Variants in AGBL4 observed in about 807,000 individuals in gnomAD.
AGBL4 encodes the protein AGBL carboxypeptidase 4, also known as cytosolic carboxypeptidase 6.
AGBL4 carries 58 observed loss-of-function variants against 66.4 expected under a neutral mutation model. The observed-to-expected ratio is 0.87, with a 90% CI of 0.71 to 1.09. The LOEUF is 1.09. AGBL4 is among the 50% of genes least tolerant of loss of function. AGBL4 has a pLI of 0.00. For missense variants in AGBL4, 579 were observed against 631.0 expected (o/e 0.92, Z 0.88); for synonymous variants, 234 against 222.9 (o/e 1.05, Z -0.44).
At chr1:49,372,323 G>T (rs1436197517) in intron 3 of AGBL4, among the ~76,000 whole-genome samples, 1 of 151,988 alleles carries the variant, frequency 6.6e-6, no homozygotes, top group Non-Finnish European at 1.5e-5. Flanking sequence ...TCCTATTCTG[G>T]GGCTTATTTT....
chr1:48,556,052 G>T (rs1644316561), intron 11 of AGBL4, among the ~76,000 whole-genome samples: 1 of 152,052 alleles, frequency 6.6e-6, no homozygotes. Context: ...ATTTTATTTT[G>T]CTATACCGAT....
chr1:49,347,948 C>A (rs981631461), intron 3 of AGBL4, among the ~76,000 whole-genome samples: 3 of 152,148 alleles, frequency 2.0e-5, no homozygotes, highest in Non-Finnish European at 4.4e-5. Context: ...GATCCGGGAA[C>A]CCTCTCTTGG....
chr1:48,794,006 C>G (rs796948779), intron 6 of AGBL4, among the ~76,000 whole-genome samples: 5 of 152,224 alleles, frequency 3.3e-5, no homozygotes, highest in African/African-American at 1.2e-4. Context: ...AGGGGCCAAT[C>G]CAGCCACATA....
At chr1:49,239,887 T>C (rs1405188231) in intron 4 of AGBL4, among the ~76,000 whole-genome samples, 1 of 151,990 alleles carries the variant, frequency 6.6e-6, no homozygotes, top group Non-Finnish European at 1.5e-5. Context: ...AAGTGCAATG[T>C]AAAAAATAAG....
chr1:48,646,737 AAGAGGTTAAAACTGGAGC>A (rs1401139287), intron 8 of AGBL4, among the ~76,000 whole-genome samples: 1 of 152,128 alleles, frequency 6.6e-6, no homozygotes, highest in African/African-American at 2.4e-5. Context: ...ACAGTGTATC[AAGAGGTTAAAACTGGAGC>A]AGCCTAGGGT....
At chr1:49,940,505 G>A (rs1312335256) in intron 1 of AGBL4, among the ~76,000 whole-genome samples, 3 of 152,164 alleles carry the variant, frequency 2.0e-5, no homozygotes, top group Non-Finnish European at 4.4e-5. Flanking sequence ...TATACACCAT[G>A]GAATACTATG....
At chr1:49,149,940 T>C (rs566142391) in intron 4 of AGBL4, among the ~76,000 whole-genome samples, 4 of 152,346 alleles carry the variant, frequency 2.6e-5, no homozygotes, top group South Asian at 2.1e-4. Context: ...CATGCACTCA[T>C]TGAACAATAA....
chr1:49,640,999 T>C (rs1645770404), intron 3 of AGBL4, among the ~76,000 whole-genome samples: 1 of 152,062 alleles, frequency 6.6e-6, no homozygotes, highest in Admixed American at 6.6e-5. Context: ...GGTGATGAAA[T>C]CATTTGTACA....
chr1:48,738,354 G>A (rs1649392270), intron 6 of AGBL4, among the ~76,000 whole-genome samples: 1 of 152,226 alleles, frequency 6.6e-6, no homozygotes, highest in Non-Finnish European at 1.5e-5. Flanking sequence ...CTTCAGTACT[G>A]CAAATCTGTT....
At chr1:49,759,672 G>A (rs536651648) in intron 2 of AGBL4, among the ~76,000 whole-genome samples, 4 of 152,262 alleles carry the variant, frequency 2.6e-5, no homozygotes, top group South Asian at 2.1e-4. Flanking sequence ...CAGTTTCTCC[G>A]TGAATATAAA....
intron 3 of AGBL4, among the ~76,000 whole-genome samples, chr1:49,678,876 T>C (rs1348194891): frequency 6.6e-6 from 1 of 152,150 alleles, no homozygotes; most frequent in African/African-American, 2.4e-5. Context: ...GTGTATTTAA[T>C]GTCCCAGGAT....
intron 3 of AGBL4, among the ~76,000 whole-genome samples, chr1:49,618,656 CACA>C (rs1305156957): frequency 2.6e-5 from 4 of 152,186 alleles, no homozygotes; most frequent in African/African-American, 9.6e-5. Flanking sequence ...CTGGCAGAGA[CACA>C]ACAACAAAAA....
At chr1:49,085,387 T>C (rs535683420) in intron 4 of AGBL4, among the ~76,000 whole-genome samples, 1 of 152,180 alleles carries the variant, frequency 6.6e-6, no homozygotes, top group African/African-American at 2.4e-5. Flanking sequence ...AGGCCTTTTG[T>C]GTTGGACTGA....
At position 50,023,936 on chromosome 1, in the gene AGBL4, G is replaced by C; in HGVS notation, c.-140C>G. ...CCTGGGCAACGGGCGGCAGGCGCGC[G>C]GGTGGCCGGCGCGCGGCTGAGGGCG... On this transcript the variant is annotated 5_prime_UTR_variant, in exon 1 of 14. Coordinates refer to ENST00000371839, the MANE Select transcript of AGBL4 (RefSeq NM_032785.4). 1 of 944,448 alleles carries C rather than the reference G, an allele frequency of 1.1e-6. No homozygotes were observed. The allele number at this position is 944,448 out of a possible 1,614,324, so 58.5% of individuals were successfully genotyped here.
chr1:48,653,584 T>C, intron 7 of AGBL4, 133 bp from the exon 8 acceptor site: 1 of 648,242 alleles, frequency 1.5e-6, no homozygotes, highest in Non-Finnish European at 2.7e-6. Flanking sequence ...ACTGTGGGTG[T>C]GTGGTTATAG....
At chr1:49,948,406 TA>T (rs1655683200) in intron 1 of AGBL4, among the ~76,000 whole-genome samples, 1 of 96,834 alleles carries the variant, frequency 1.0e-5, no homozygotes, top group African/African-American at 4.1e-5. Flanking sequence ...TAAATATATA[TA>T]AATATAGATA....
intron 1 of AGBL4, among the ~76,000 whole-genome samples, chr1:49,874,695 T>C (rs1365418480): frequency 1.3e-5 from 2 of 152,142 alleles, no homozygotes; most frequent in Non-Finnish European, 2.9e-5. Context: ...CACATCTACA[T>C]CTTAATTTAT....
Position 48,632,868 on chromosome 1 carries a change from AG to A in AGBL4, c.951+1624del, listed in dbSNP as rs1053498945. On this transcript the variant is annotated intron_variant, in intron 9 of 13. Coordinates refer to ENST00000371839, the MANE Select transcript of AGBL4 (RefSeq NM_032785.4). ...CTCTGCAGACTACAGATTCTTCCTG[AG>A]AAAATCAGAAGCAGTTTCTCTCTGC... 2.6e-5 allele frequency among the ~76,000 whole-genome samples: 4 copies of A among 152,262 alleles called. 1 individual carries two copies. Among genetic ancestry groups the A allele is most frequent in the African/African-American group, 9.6e-5 (4 of 41,470 alleles).
intron 4 of AGBL4, among the ~76,000 whole-genome samples, chr1:49,126,569 A>T (rs1645768467): frequency 6.6e-6 from 1 of 152,168 alleles, no homozygotes; most frequent in Non-Finnish European, 1.5e-5. Flanking sequence ...CATGATAAGG[A>T]AAAATTGAAG....
Sources: allele counts gnomAD v4.1 joint callset (sites outside exome capture counted in the v4.1 genomes callset), GRCh38; gene constraint gnomAD v4.1.1; transcripts MANE v1.5; gene names NCBI Gene and HGNC (gene_info 2026-07-23, HGNC 2026-07-21).